The following DCDC2C variants were observed in gnomAD, a reference collection of about 807,000 sequenced individuals.
The protein encoded by DCDC2C is doublecortin domain-containing protein 2C.
A neutral mutation model predicts 45.0 loss-of-function variants in DCDC2C; 44 were observed. That is an observed-to-expected ratio of 0.98 (90% CI 0.77 to 1.26). The LOEUF (loss-of-function observed/expected upper bound fraction) is 1.26, where lower values mean the gene tolerates loss of function less well. Among genes scored for constraint, DCDC2C ranks in the 50% most tolerant of loss-of-function variants. The pLI, the probability that DCDC2C is intolerant of heterozygous loss-of-function variation, is 0.00. For synonymous variants in DCDC2C, 187 were observed against 178.8 expected, an observed-to-expected ratio of 1.05 and a Z score of -0.37; for missense variants, 447 against 468.9, an observed-to-expected ratio of 0.95 and a Z score of 0.43.
chr2:3,802,630 C>A (rs1203823833), intron 10 of DCDC2C, among the ~76,000 whole-genome samples: 1 of 152,102 alleles, frequency 6.6e-6, no homozygotes, highest in Non-Finnish European at 1.5e-5. Context: ...CTTCCTATGT[C>A]CTCATGTGGT....
intron 5 of DCDC2C, among the ~76,000 whole-genome samples, chr2:3,753,419 G>T (rs1669601238): frequency 6.6e-6 from 1 of 152,212 alleles, no homozygotes; most frequent in Non-Finnish European, 1.5e-5. Flanking sequence ...GGTGAAGGGT[G>T]CTGAGATGGG....
intron 10 of DCDC2C, among the ~76,000 whole-genome samples, chr2:3,794,040 T>C (rs932167246): frequency 6.6e-6 from 1 of 152,256 alleles, no homozygotes; most frequent in Non-Finnish European, 1.5e-5. Flanking sequence ...TTAGTTACAA[T>C]GTGGAATCAG....
chr2:3,729,326 G>A (rs1011141114), intron 3 of DCDC2C, among the ~76,000 whole-genome samples: 1 of 152,194 alleles, frequency 6.6e-6, no homozygotes, highest in Non-Finnish European at 1.5e-5. Context: ...GAGAAGAAGG[G>A]GCCATTGGTC....
chr2:3,721,770 A>G (rs1668511862), intron 2 of DCDC2C, among the ~76,000 whole-genome samples: 1 of 152,192 alleles, frequency 6.6e-6, no homozygotes, highest in Non-Finnish European at 1.5e-5. Flanking sequence ...TTCTCGTGAT[A>G]GTGAATGAGT....
chr2:3,784,284 A>G (rs1019011294), intron 9 of DCDC2C, among the ~76,000 whole-genome samples: 1 of 152,208 alleles, frequency 6.6e-6, no homozygotes, highest in Non-Finnish European at 1.5e-5. Flanking sequence ...TGTATAAATC[A>G]ATGCAGCCCT....
chr2:3,837,485 G>T (rs1042999399), intron 10 of DCDC2C, among the ~76,000 whole-genome samples: 2 of 152,180 alleles, frequency 1.3e-5, no homozygotes, highest in Non-Finnish European at 2.9e-5. Flanking sequence ...ACACACTGGG[G>T]CAGTGGCTAT....
At chr2:3,825,175 G>A (rs1385863195) in intron 10 of DCDC2C, among the ~76,000 whole-genome samples, 1 of 152,082 alleles carries the variant, frequency 6.6e-6, no homozygotes, top group African/African-American at 2.4e-5. Context: ...TCTCTTTTGT[G>A]AGCAATCGGT....
chr2:3,805,219 A>G (rs1012824224), intron 10 of DCDC2C, among the ~76,000 whole-genome samples: 9 of 152,222 alleles, frequency 5.9e-5, no homozygotes, highest in African/African-American at 2.2e-4. Flanking sequence ...TGAAAGGTCC[A>G]AGTAATTTAG....
chr2:3,760,288 G>A (rs1669842951), intron 6 of DCDC2C, among the ~76,000 whole-genome samples: 1 of 152,166 alleles, frequency 6.6e-6, no homozygotes, highest in Non-Finnish European at 1.5e-5. Flanking sequence ...TGTTAAAAAT[G>A]CCCATTTCCC....
chr2:3,831,938 C>T (rs1469057751), intron 10 of DCDC2C, among the ~76,000 whole-genome samples: 1 of 152,192 alleles, frequency 6.6e-6, no homozygotes, highest in African/African-American at 2.4e-5. Context: ...CTTCACTTTC[C>T]TCTTCTGGAC....
intron 8 of DCDC2C, among the ~76,000 whole-genome samples, chr2:3,771,472 T>C (rs1273572261): frequency 6.6e-6 from 1 of 152,088 alleles, no homozygotes; most frequent in African/African-American, 2.4e-5. Context: ...ATATCTCTCC[T>C]TGGGGGAATC....
intron 4 of DCDC2C, among the ~76,000 whole-genome samples, chr2:3,750,457 C>T (rs1174318541): frequency 6.6e-6 from 1 of 152,138 alleles, no homozygotes; most frequent in East Asian, 1.9e-4. Context: ...TGGCGAATCT[C>T]CTGAGGCCTT....
At chr2:3,726,873 C>A in intron 2 of DCDC2C, 130 bp from the exon 3 acceptor site, 2 of 765,268 alleles carry the variant, frequency 2.6e-6, no homozygotes, top group Non-Finnish European at 2.2e-6. Context: ...GGACCCGCCC[C>A]TGGGTGTTCT....
chr2:3,820,412 AAG>A (rs978137602), intron 10 of DCDC2C, among the ~76,000 whole-genome samples: 9 of 152,142 alleles, frequency 5.9e-5, no homozygotes, highest in Non-Finnish European at 1.0e-4. Flanking sequence ...GCCCAGAGAA[AAG>A]AGAGGGTAGA....
intron 2 of DCDC2C, among the ~76,000 whole-genome samples, chr2:3,711,196 G>A (rs1298480422): frequency 2.0e-5 from 3 of 152,292 alleles, no homozygotes; most frequent in Admixed American, 6.5e-5. Flanking sequence ...TTGGTGGGAG[G>A]GTAAATTAGT....
intron 10 of DCDC2C, among the ~76,000 whole-genome samples, chr2:3,789,170 G>A (rs17018026): frequency 0.33 from 50,754 of 151,918 alleles, 8,736 homozygotes; most frequent in East Asian, 0.54. Context: ...TCAATGTGAT[G>A]GAAAAATAGT....
At chr2:3,733,909 G>A (rs1668946660) in intron 3 of DCDC2C, among the ~76,000 whole-genome samples, 1 of 152,174 alleles carries the variant, frequency 6.6e-6, no homozygotes, top group South Asian at 2.1e-4. Flanking sequence ...TGGTCCCAAG[G>A]CCTAGAAACC....
chr2:3,819,131 A>G (rs1671626160), intron 10 of DCDC2C, among the ~76,000 whole-genome samples: 2 of 152,206 alleles, frequency 1.3e-5, no homozygotes. Flanking sequence ...GTGATGGTCC[A>G]GGAAGCTTCC....
intron 10 of DCDC2C, among the ~76,000 whole-genome samples, chr2:3,822,098 C>A (rs1671701118): frequency 6.6e-6 from 1 of 152,182 alleles, no homozygotes; most frequent in Admixed American, 6.5e-5. Context: ...TTATGTCTGT[C>A]TTCTCTTACT....
Sources: allele counts gnomAD v4.1 joint callset (sites outside exome capture counted in the v4.1 genomes callset), GRCh38; gene constraint gnomAD v4.1.1; transcripts MANE v1.5; gene names NCBI Gene and HGNC (gene_info 2026-07-23, HGNC 2026-07-21).